PDE6C: variants seen among roughly 807,000 people sequenced by gnomAD.
PDE6C encodes cone cGMP-specific 3',5'-cyclic phosphodiesterase subunit alpha'.
In PDE6C, 75 loss-of-function variants were observed where a neutral mutation model predicts 113.1. The ratio of observed to expected loss-of-function variants is 0.66; its 90% CI spans 0.55 to 0.80. The LOEUF (loss-of-function observed/expected upper bound fraction) is 0.80, where lower values mean the gene tolerates loss of function less well. PDE6C is among the 30% of genes least tolerant of loss of function. The pLI is 0.00. For synonymous variants in PDE6C, 375 were observed against 363.7 expected (o/e 1.03, Z -0.35); for missense variants, 912 against 1,038.6 (o/e 0.88, Z 1.67).
chr10:93,620,704 G>T lies in PDE6C; in HGVS notation c.553G>T (p.Val185Leu), dbSNP rs372506563. The T allele has an allele frequency of 6.2e-7, 1 of 1,614,018 alleles. No individual in the cohort carries two copies. The highest frequency in any genetic ancestry group is 8.5e-7 in the Non-Finnish European group (1 of 1,179,990). Residue 185 changes from valine to leucine, a missense_variant, in exon 2 of 22, where the codon GTG (valine) becomes TTG (leucine). Physicochemically the swap from Val to Leu is conservative, Grantham distance 32. Transcript: ENST00000371447. The stretch of plus-strand genomic sequence containing the variant: ...TAAGAACCTGCTGGCAACCCCGATC[G>T]TGGTGGGCAAGGAGGTTCTTGCTGT... ...VTKNLLATPI[V>L]VGKEVLAVIM...
In PDE6C at chr10:93,634,810, C is replaced by A. The variant is rs772639930; in HGVS notation, c.1172C>A (p.Pro391His). Residue 391 changes from proline to histidine, a missense_variant, in exon 9 of 22, where the codon CCT becomes CAT. Physicochemically the swap from Pro to His is moderately conservative, Grantham distance 77. Transcript: ENST00000371447. Reference sequence around the variant, plus strand: ...GTCATTAAGAATGTTTTGTCCCTGCCTATTGTCAACAAGAAAGAAGATATT... The same window carrying A: ...GTCATTAAGAATGTTTTGTCCCTGCATATTGTCAACAAGAAAGAAGATATT... ...GWVIKNVLSL[P>H]IVNKKEDIVG... 2 of 1,614,076 alleles carry A rather than the reference C, an allele frequency of 1.2e-6. No homozygotes were observed. Among genetic ancestry groups the A allele is most frequent in the Non-Finnish European group, 1.7e-6 (2 of 1,179,980 alleles).
At chr10:93,649,756 C>G (rs2058601223) in intron 15 of PDE6C, among the ~76,000 whole-genome samples, 2 of 152,084 alleles carry the variant, frequency 1.3e-5, no homozygotes, top group Non-Finnish European at 2.9e-5. Context: ...AGGCATGCAC[C>G]ACCACTCCCG....
intron 18 of PDE6C, among the ~76,000 whole-genome samples, chr10:93,660,574 G>A (rs1318169186): frequency 6.6e-6 from 1 of 152,042 alleles, no homozygotes; most frequent in African/African-American, 2.4e-5. Flanking sequence ...GGGAAGGTGA[G>A]ACTGATCTTC....
At chr10:93,615,372 G>A (rs1589691537) in intron 1 of PDE6C, among the ~76,000 whole-genome samples, 1 of 152,142 alleles carries the variant, frequency 6.6e-6, no homozygotes, top group Non-Finnish European at 1.5e-5. Flanking sequence ...TCAGGCATTA[G>A]TATTTTTATT....
intron 1 of PDE6C, among the ~76,000 whole-genome samples, chr10:93,619,646 G>T (rs961918375): frequency 3.9e-5 from 6 of 152,104 alleles, no homozygotes; most frequent in Non-Finnish European, 7.4e-5. Context: ...GGCTGGTCTC[G>T]AACTCCTAAC....
chr10:93,665,053 GAGAC>G (rs1178991020), intron 21 of PDE6C, among the ~76,000 whole-genome samples: 2 of 152,078 alleles, frequency 1.3e-5, no homozygotes, highest in African/African-American at 4.8e-5. Flanking sequence ...ATTTTTAGTA[GAGAC>G]AGGGTTTCAC....
At chr10:93,662,967 T>A (rs1364365853) in intron 20 of PDE6C, 61 bp from the exon 21 acceptor site, 2 of 1,420,668 alleles carry the variant, frequency 1.4e-6, no homozygotes, top group African/African-American at 1.4e-5. Context: ...TCTCTGCATA[T>A]GAAAGATCCT....
intron 14 of PDE6C, among the ~76,000 whole-genome samples, chr10:93,641,704 T>C (rs2058560869): frequency 6.6e-6 from 1 of 152,170 alleles, no homozygotes; most frequent in South Asian, 2.1e-4. Context: ...CTTACACTTG[T>C]ACACTCCTAT....
chr10:93,617,631 A>C (rs906809456), intron 1 of PDE6C, among the ~76,000 whole-genome samples: 1 of 152,132 alleles, frequency 6.6e-6, no homozygotes, highest in Non-Finnish European at 1.5e-5. Context: ...AAAATTAGCC[A>C]GGTGTGGTGG....
Position 93,665,533 on chromosome 10 carries a change from T to C in PDE6C, c.*115T>C, listed in dbSNP as rs774236631. 4.0e-6 allele frequency: 3 copies of C among 757,120 alleles called. No homozygotes were observed. Among genetic ancestry groups the C allele is most frequent in the Admixed American group, 4.1e-5 (2 of 48,602 alleles). The allele number at this position is 757,120 out of a possible 1,614,324, so 46.9% of individuals were successfully genotyped here. On this transcript the variant is annotated 3_prime_UTR_variant, in exon 22 of 22. Transcript: ENST00000371447. Reference sequence around the variant, plus strand: ...AACAGGATCTTCAGAAAAACTACCCTGTGACTATGAAGAAAATATATATTG... The same window carrying C: ...AACAGGATCTTCAGAAAAACTACCCCGTGACTATGAAGAAAATATATATTG...
chr10:93,659,002 T>G lies in PDE6C; in HGVS notation c.2138T>G (p.Ile713Ser). 1 of 1,592,702 alleles carries G rather than the reference T, an allele frequency of 6.3e-7. No individual in the cohort carries two copies. The highest frequency in any genetic ancestry group is 8.6e-7 in the Non-Finnish European group (1 of 1,160,694). ...YVTVDPTKKE[I>S]IMAMMMTACD... ...ACTGTTGATCCAACCAAGAAAGAGATTATCATGTAGGTAGTTGAAATTGTA... is the reference window on the plus strand; with the variant it reads ...ACTGTTGATCCAACCAAGAAAGAGAGTATCATGTAGGTAGTTGAAATTGTA... Residue 713 changes from isoleucine to serine, a missense_variant, in exon 17 of 22, where the codon ATT becomes AGT. Ile to Ser is a moderately radical substitution (Grantham distance 142, BLOSUM62 -2). Transcript: ENST00000371447.
rs2058668206 is a variant in PDE6C at position 93,662,049 on chromosome 10, T to C, written c.2209-10T>C. The C allele has an allele frequency of 6.4e-7, 1 of 1,573,884 alleles. No homozygotes were observed. The highest frequency in any genetic ancestry group is 2.2e-5 in the East Asian group (1 of 44,614). ...GTGGATTTAGTGAACCAAGCCTTTC[T>C]CATTTGCAGGTAGCACTTATGGTTG... On this transcript the variant is annotated splice_polypyrimidine_tract_variant and intron_variant, in intron 18 of 21. Coordinates refer to ENST00000371447, the MANE Select transcript of PDE6C (RefSeq NM_006204.4).
chr10:93,640,698 A>G lies in PDE6C; in HGVS notation c.1737+141A>G. ...CCCCTCTCCGCTGCAGATGAGTCCC[A>G]GTATCCTTGAGCACCGGTGGGATGA... On this transcript the variant is annotated intron_variant, in intron 13 of 21. Coordinates refer to ENST00000371447, the MANE Select transcript of PDE6C (RefSeq NM_006204.4). 3 of 746,162 alleles carry G rather than the reference A, an allele frequency of 4.0e-6. No homozygotes were observed. In the East Asian group the frequency reaches 7.9e-5, roughly 20 times the overall value. 46.2% of individuals were successfully genotyped at this position (746,162 alleles called of 1,614,324 possible).
chr10:93,662,121 G>A lies in PDE6C; in HGVS notation c.2271G>A (p.Gln757=). The A allele has an allele frequency of 6.2e-7, 1 of 1,602,184 alleles. No homozygotes were observed. The highest frequency in any genetic ancestry group is 8.6e-7 in the Non-Finnish European group (1 of 1,169,274). Reference sequence around the variant, plus strand: ...GAGATCTGGAGAGAACAGTGTTGCAGCAACAACCCATTGTAAGACCTTGAC... The same window carrying A: ...GAGATCTGGAGAGAACAGTGTTGCAACAACAACCCATTGTAAGACCTTGAC... ...EQGDLERTVL[Q]QQPIPMMDRN... is the part of the protein sequence containing the mutation. Residue 757 remains glutamine, a synonymous_variant, in exon 19 of 22, where the codon CAG becomes CAA. Transcript: ENST00000371447.
At chr10:93,621,796 T>C (rs1268892472) in intron 3 of PDE6C, 136 bp from the exon 4 acceptor site, 1 of 794,622 alleles carries the variant, frequency 1.3e-6, no homozygotes, top group Admixed American at 2.0e-5. Flanking sequence ...TGTACACATG[T>C]TCAAAATCAG....
At chr10:93,654,809 T>TCTTTCTTC (rs2058628404) in intron 15 of PDE6C, among the ~76,000 whole-genome samples, 1 of 87,918 alleles carries the variant, frequency 1.1e-5, no homozygotes, top group South Asian at 3.8e-4. Flanking sequence ...TTTCTTTCTT[T>TCTTTCTTC]CTTTTTTTTT....
At chr10:93,619,732 T>C (rs558101990) in intron 1 of PDE6C, among the ~76,000 whole-genome samples, 1 of 152,300 alleles carries the variant, frequency 6.6e-6, no homozygotes, top group Non-Finnish European at 1.5e-5. Context: ...AGCCTCAGAA[T>C]GTGAACCTTT....
At chr10:93,628,636 C>G (rs891136862) in intron 7 of PDE6C, among the ~76,000 whole-genome samples, 1 of 152,098 alleles carries the variant, frequency 6.6e-6, no homozygotes, top group African/African-American at 2.4e-5. Context: ...TTAATTATCT[C>G]TTGGAAAGAC....
intron 1 of PDE6C, among the ~76,000 whole-genome samples, chr10:93,615,090 G>A (rs922851244): frequency 3.7e-4 from 56 of 152,244 alleles, no homozygotes; most frequent in East Asian, 1.2e-3. Flanking sequence ...CCAGGAGTTC[G>A]AGACCAGGCT....
Sources: allele counts gnomAD v4.1 joint callset (sites outside exome capture counted in the v4.1 genomes callset), GRCh38; gene constraint gnomAD v4.1.1; transcripts MANE v1.5; gene names NCBI Gene and HGNC (gene_info 2026-07-23, HGNC 2026-07-21).